ARID4B: variants seen among roughly 807,000 people sequenced by gnomAD.
ARID4B encodes the protein AT-rich interactive domain-containing protein 4B.
Under a neutral mutation model 147.5 loss-of-function variants are expected in ARID4B, and 26 were observed. The observed-to-expected ratio is 0.18, with a 90% CI of 0.13 to 0.24. ARID4B has a LOEUF of 0.24. ARID4B is among the 10% of genes least tolerant of loss of function. The pLI is 1.00. For synonymous variants in ARID4B, 512 were observed against 507.9 expected (o/e 1.01, Z -0.11); for missense variants, 1,179 against 1,511.5 (o/e 0.78, Z 3.65).
chr1:235,326,195 C>T lies in ARID4B; in HGVS notation c.6+719G>A, dbSNP rs1453677752. Reference sequence around the variant, plus strand: ...TTCATATACATATTCTCTCAAGTAACAAAAATACCTGTATTTTTATCGTTA... The same window carrying T: ...TTCATATACATATTCTCTCAAGTAATAAAAATACCTGTATTTTTATCGTTA... On this transcript the variant is annotated intron_variant, in intron 2 of 23. Transcript: ENST00000264183. Among the ~76,000 whole-genome samples the T allele has an allele frequency of 4.6e-5, 7 of 151,496 alleles. No individual in the cohort carries two copies. In the East Asian group the frequency reaches 9.7e-4, roughly 21 times the overall value.
intron 2 of ARID4B, among the ~76,000 whole-genome samples, chr1:235,301,038 CTTT>C (rs780839339): frequency 2.0e-4 from 22 of 112,264 alleles, no homozygotes; most frequent in African/African-American, 6.2e-4. Flanking sequence ...TTTAAGTATT[CTTT>C]TTTTTTTTTT....
At chr1:235,257,599 A>G (rs1169163053) in intron 3 of ARID4B, among the ~76,000 whole-genome samples, 2 of 151,936 alleles carry the variant, frequency 1.3e-5, no homozygotes, top group Admixed American at 1.3e-4. Flanking sequence ...CTCCTGCCTC[A>G]GTCTTTCAAG....
intron 7 of ARID4B, among the ~76,000 whole-genome samples, chr1:235,244,285 T>C (rs1463637364): frequency 1.3e-5 from 2 of 152,210 alleles, no homozygotes; most frequent in African/African-American, 4.8e-5. Context: ...GCTTTCCTAT[T>C]GTAGCAGTTG....
At chr1:235,189,153 C>T (rs1032188791) in intron 19 of ARID4B, among the ~76,000 whole-genome samples, 1 of 152,112 alleles carries the variant, frequency 6.6e-6, no homozygotes, top group Non-Finnish European at 1.5e-5. Context: ...ATAATCCCAG[C>T]ACTGTGGGAG....
At chr1:235,241,285 T>C (rs916262274) in intron 7 of ARID4B, among the ~76,000 whole-genome samples, 1 of 152,174 alleles carries the variant, frequency 6.6e-6, no homozygotes, top group Admixed American at 6.5e-5. Context: ...TGGCTATTAT[T>C]GAATACCTAC....
chr1:235,279,959 T>C (rs1170455577), intron 2 of ARID4B, among the ~76,000 whole-genome samples: 1 of 152,214 alleles, frequency 6.6e-6, no homozygotes, highest in Admixed American at 6.5e-5. Context: ...CTCCAGACTT[T>C]ACCCAATGTA....
intron 2 of ARID4B, among the ~76,000 whole-genome samples, chr1:235,312,744 C>G (rs1239178244): frequency 6.6e-6 from 1 of 152,116 alleles, no homozygotes; most frequent in Non-Finnish European, 1.5e-5. Context: ...GAAGCCAAGG[C>G]AGGCGATCAC....
intron 7 of ARID4B, among the ~76,000 whole-genome samples, chr1:235,243,128 T>C (rs971470824): frequency 5.3e-5 from 8 of 152,160 alleles, no homozygotes; most frequent in Non-Finnish European, 1.2e-4. Flanking sequence ...ACCTGAACAA[T>C]GCTTGGCACA....
chr1:235,300,002 CAT>C (rs1445669368), intron 2 of ARID4B, among the ~76,000 whole-genome samples: 6 of 152,306 alleles, frequency 3.9e-5, no homozygotes, highest in South Asian at 4.1e-4. Flanking sequence ...CCTCTACCCA[CAT>C]GTTACTCTAC....
intron 17 of ARID4B, among the ~76,000 whole-genome samples, chr1:235,199,053 C>T (rs975756980): frequency 3.3e-4 from 50 of 152,036 alleles, no homozygotes; most frequent in African/African-American, 1.2e-3. Context: ...GAGCCGAGAT[C>T]GCGCCATTGC....
At chr1:235,240,131 C>A (rs2103071110) in intron 8 of ARID4B, among the ~76,000 whole-genome samples, 182 bp downstream of exon 8, 1 of 152,148 alleles carries the variant, frequency 6.6e-6, no homozygotes, top group Non-Finnish European at 1.5e-5. Context: ...TTTTGCCTTT[C>A]CTGAATGACA....
chr1:235,231,574 C>T (rs1474756418), intron 9 of ARID4B, among the ~76,000 whole-genome samples: 1 of 152,168 alleles, frequency 6.6e-6, no homozygotes, highest in Middle Eastern at 3.2e-3. Context: ...ACAACCTCTA[C>T]CTCCCAGGCT....
chr1:235,193,891 G>C, intron 19 of ARID4B, 122 bp downstream of exon 19: 1 of 671,270 alleles, frequency 1.5e-6, no homozygotes, highest in East Asian at 2.6e-5. Context: ...CCTGTAATAA[G>C]AGAGCAAACA....
intron 19 of ARID4B, among the ~76,000 whole-genome samples, chr1:235,186,642 A>G (rs1664705691): frequency 6.6e-6 from 1 of 151,942 alleles, no homozygotes; most frequent in Non-Finnish European, 1.5e-5. Context: ...ACCTCAGATG[A>G]TCCACCTGCC....
chr1:235,296,046 C>T, intron 2 of ARID4B: 1 of 159,608 alleles, frequency 6.3e-6, no homozygotes, highest in Non-Finnish European at 1.4e-5. Context: ...TGGAGGCAGC[C>T]CAAATATCCT....
chr1:235,193,269 C>G (rs982039069), intron 19 of ARID4B, among the ~76,000 whole-genome samples: 1 of 152,100 alleles, frequency 6.6e-6, no homozygotes, highest in Non-Finnish European at 1.5e-5. Context: ...TGGTGGCATG[C>G]GCCTGCAGCT....
chr1:235,196,876 T>G (rs1007685317), intron 17 of ARID4B, among the ~76,000 whole-genome samples: 28 of 110,118 alleles, frequency 2.5e-4, no homozygotes, highest in African/African-American at 8.9e-4. Flanking sequence ...AAAAAAGAAA[T>G]AAGAAAAGAA....
At chr1:235,230,485 C>T (rs1358823515) in intron 10 of ARID4B, among the ~76,000 whole-genome samples, 1 of 151,260 alleles carries the variant, frequency 6.6e-6, no homozygotes, top group African/African-American at 2.4e-5. Context: ...CTTTCTTCTA[C>T]CATTCCCAGA....
intron 2 of ARID4B, among the ~76,000 whole-genome samples, chr1:235,319,829 T>C (rs1674698901): frequency 6.6e-6 from 1 of 151,100 alleles, no homozygotes; most frequent in South Asian, 2.1e-4. Context: ...CCATTGCTAC[T>C]AAAAACACAA....
Sources: allele counts gnomAD v4.1 joint callset (sites outside exome capture counted in the v4.1 genomes callset), GRCh38; gene constraint gnomAD v4.1.1; transcripts MANE v1.5; gene names NCBI Gene and HGNC (gene_info 2026-07-23, HGNC 2026-07-21).